Variants in CCDC88A observed in about 807,000 individuals in gnomAD.
CCDC88A encodes girdin.
In CCDC88A, 54 loss-of-function variants were observed where a neutral mutation model predicts 234.3. The ratio of observed to expected loss-of-function variants is 0.23; its 90% confidence interval spans 0.19 to 0.29. The LOEUF is 0.29. Ranked by LOEUF, CCDC88A falls within the 10% of genes least tolerant of loss-of-function variation. The pLI, the probability that CCDC88A is intolerant of heterozygous loss-of-function variation, is 1.00. For missense variants in CCDC88A, 1,832 were observed against 2,123.4 expected (o/e 0.86, Z 2.70); for synonymous variants, 753 against 737.8 (o/e 1.02, Z -0.33).
intron 12 of CCDC88A, among the ~76,000 whole-genome samples, chr2:55,342,263 G>T (rs1470483701): frequency 3.3e-5 from 5 of 151,918 alleles, no homozygotes; most frequent in Non-Finnish European, 7.4e-5. Context: ...AAATTTTCTG[G>T]AAAGTCCCTT....
chr2:55,320,046 T>C (rs1683432817), intron 18 of CCDC88A, among the ~76,000 whole-genome samples: 1 of 152,144 alleles, frequency 6.6e-6, no homozygotes, highest in Admixed American at 6.6e-5. Context: ...TATTATACCA[T>C]AAAATTGAAG....
chr2:55,319,104 C>A (rs923622542), intron 18 of CCDC88A, 100 bp from the exon 19 acceptor site: 2 of 878,162 alleles, frequency 2.3e-6, no homozygotes, highest in South Asian at 3.1e-5. Flanking sequence ...TATTTATTAG[C>A]ATTATAATCC....
intron 2 of CCDC88A, chr2:55,406,161 G>GAAAAAAAA (rs11287244): frequency 7.6e-6 from 1 of 130,954 alleles, no homozygotes. Flanking sequence ...ACTCTGTCCT[G>GAAAAAAAA]AAAAAAAAAA....
chr2:55,307,170 C>G (rs1438067944), intron 25 of CCDC88A, among the ~76,000 whole-genome samples: 4 of 152,034 alleles, frequency 2.6e-5, no homozygotes, highest in African/African-American at 9.7e-5. Context: ...TCTTAGACAT[C>G]TTTAAAAAAA....
Position 55,419,393 on chromosome 2 carries a change from C to G in CCDC88A, c.-314G>C, listed in dbSNP as rs1330464063. The stretch of plus-strand genomic sequence containing the variant: ...AGGGAAAGGGGGCTGGAACCCAAGA[C>G]AAAAAGCCCGTCAAGGTTGTCCAGC... On this transcript the variant is annotated 5_prime_UTR_variant, in exon 1 of 33. Transcript: ENST00000436346. The G allele has an allele frequency of 2.9e-6, 1 of 343,444 alleles. No homozygotes were observed. Among genetic ancestry groups the G allele is most frequent in the Non-Finnish European group, 5.4e-6 (1 of 183,776 alleles). The allele number at this position is 343,444 out of a possible 1,614,324, so 21.3% of individuals were successfully genotyped here. A position where few individuals can be genotyped will look rare whatever the true frequency, so the allele number is the denominator to read the frequency against.
intron 29 of CCDC88A, among the ~76,000 whole-genome samples, chr2:55,298,540 A>G (rs375671803): frequency 6.6e-6 from 1 of 152,320 alleles, no homozygotes; most frequent in East Asian, 1.9e-4. Context: ...TAATTTTATA[A>G]TCCAAAAAGG....
In CCDC88A at chr2:55,309,910, G is replaced by A. The variant is rs577888278; in HGVS notation, c.4080-656C>T. ...TAATAACATATAATATTGTGTGTGT[G>A]TATATATATAAAATGACTATATAAT... is the stretch of plus-strand genomic sequence containing the variant. On this transcript the variant is annotated intron_variant, in intron 23 of 32. Coordinates refer to ENST00000436346, the MANE Select transcript of CCDC88A (RefSeq NM_001365480.1). The surrounding 1 kb of genome is among the most constrained non-coding windows in gnomAD (Gnocchi z 5.1). 2.4e-4 allele frequency among the ~76,000 whole-genome samples: 36 copies of A among 152,140 alleles called. No individual in the cohort carries two copies. The South Asian group carries it at 3.1e-3, about 13-fold the overall frequency.
intron 7 of CCDC88A, 158 bp from the exon 8 acceptor site, chr2:55,355,909 T>C (rs1229033701): frequency 5.4e-6 from 3 of 555,706 alleles, no homozygotes; most frequent in East Asian, 5.9e-5. Flanking sequence ...TTCTTAACTT[T>C]CATTCAACAG....
chr2:55,301,300 T>C, intron 27 of CCDC88A, 23 bp from the exon 28 acceptor site: 1 of 1,245,748 alleles, frequency 8.0e-7, no homozygotes, highest in South Asian at 1.3e-5. Flanking sequence ...GCAAAATGGA[T>C]ATAAAGATAT....
At chr2:55,407,264 G>A (rs1432234360) in intron 2 of CCDC88A, among the ~76,000 whole-genome samples, 1 of 151,824 alleles carries the variant, frequency 6.6e-6, no homozygotes, top group Non-Finnish European at 1.5e-5. Context: ...AAGGACTACT[G>A]AGATATCTCA....
intron 29 of CCDC88A, among the ~76,000 whole-genome samples, chr2:55,297,365 A>ATTATATATAAAT (rs1491129113): frequency 2.0e-5 from 2 of 99,014 alleles, no homozygotes; most frequent in African/African-American, 1.1e-4. Context: ...AAATATATAT[A>ATTATATATAAAT]ATATATATTA....
At position 55,288,136 on chromosome 2, in the gene CCDC88A, C is replaced by T. The variant is rs1243469452; in HGVS notation, c.*3064G>A. The T allele has an allele frequency of 9.2e-5, 14 of 152,490 alleles. No individual in the cohort carries two copies. Among genetic ancestry groups the T allele is most frequent in the Admixed American group, 9.2e-4 (14 of 15,272 alleles). The allele number at this position is 152,490 out of a possible 1,614,324, so 9.4% of individuals were successfully genotyped here. On this transcript the variant is annotated 3_prime_UTR_variant, in exon 33 of 33. Transcript: ENST00000436346. ...TAACAGTTATAAGTACAATGGTAGACACTGAAAAAGAAAACCCTTAATAGA... is the reference window on the plus strand; with the variant it reads ...TAACAGTTATAAGTACAATGGTAGATACTGAAAAAGAAAACCCTTAATAGA...
intron 17 of CCDC88A, among the ~76,000 whole-genome samples, chr2:55,326,990 C>T (rs548040716): frequency 6.6e-6 from 1 of 152,264 alleles, no homozygotes; most frequent in Non-Finnish European, 1.5e-5. Flanking sequence ...AGTGATACTG[C>T]TAATGGGGTA....
At position 55,335,621 on chromosome 2, in the gene CCDC88A, G is replaced by C. The variant is rs557152270; in HGVS notation, c.1657-457C>G. ...GTATTACATGTGTATATATGGGTTTGTATGTGTGTGTATTCATTCCCAAAA... is the reference window on the plus strand; with the variant it reads ...GTATTACATGTGTATATATGGGTTTCTATGTGTGTGTATTCATTCCCAAAA... On this transcript the variant is annotated intron_variant, in intron 14 of 32. Coordinates refer to ENST00000436346, the MANE Select transcript of CCDC88A (RefSeq NM_001365480.1). The surrounding 1 kb of genome is among the most constrained non-coding windows in gnomAD (Gnocchi z 4.5). 6.6e-6 allele frequency among the ~76,000 whole-genome samples: 1 copy of C among 152,294 alleles called. No homozygotes were observed. Among genetic ancestry groups the C allele is most frequent in the South Asian group, 2.1e-4 (1 of 4,824 alleles).
At chr2:55,414,880 A>G (rs1681092913) in intron 2 of CCDC88A, among the ~76,000 whole-genome samples, 3 of 151,820 alleles carry the variant, frequency 2.0e-5, no homozygotes, top group African/African-American at 7.3e-5. Flanking sequence ...CCTGGCTAAC[A>G]CGGTGAAACC....
In CCDC88A at chr2:55,287,906, C is replaced by T. The variant is rs2104528527; in HGVS notation, c.*3294G>A. The T allele has an allele frequency of 6.6e-6, 1 of 152,534 alleles. No individual in the cohort carries two copies. Among genetic ancestry groups the T allele is most frequent in the South Asian group, 2.1e-4 (1 of 4,806 alleles). The allele number at this position is 152,534 out of a possible 1,614,324, so 9.4% of individuals were successfully genotyped here. On this transcript the variant is annotated 3_prime_UTR_variant, in exon 33 of 33. Transcript: ENST00000436346. ...ATTAGTTTGATACGTGAATGTTAGT[C>T]CAACTTAATTTTTGAAGGAGAAACA... is the stretch of plus-strand genomic sequence containing the variant.
chr2:55,316,052 T>A lies in CCDC88A; in HGVS notation c.3809A>T (p.Asn1270Ile), dbSNP rs1159765612. Residue 1270 changes from asparagine to isoleucine, a missense_variant, in exon 22 of 33, where the codon AAT (asparagine) becomes ATT (isoleucine). Asn to Ile is a moderately radical substitution (Grantham distance 149). This residue lies in a region of CCDC88A where 1,282 missense variants were observed against 1,543.6 expected (regional missense o/e 0.83). Transcript: ENST00000436346. The part of the protein sequence containing the change: ...ETEVLQTDHK[N>I]LKSLLNNSKL... ...GGAATTATTCAGAAGACTTTTCAAA[T>A]TTTTATGGTCAGTTTGTAAAACTTC... The A allele has an allele frequency of 6.3e-7, 1 of 1,585,134 alleles. No homozygotes were observed. The highest frequency in any genetic ancestry group is 2.3e-5 in the East Asian group (1 of 44,036).
intron 9 of CCDC88A, among the ~76,000 whole-genome samples, chr2:55,347,707 G>T (rs1472655618): frequency 7.0e-6 from 1 of 143,342 alleles, no homozygotes; most frequent in Non-Finnish European, 1.5e-5. Flanking sequence ...CACCTCCCAG[G>T]TTCAAGCGAT....
chr2:55,414,538 CA>C (rs1205763320), intron 2 of CCDC88A, among the ~76,000 whole-genome samples: 1 of 152,192 alleles, frequency 6.6e-6, no homozygotes. Context: ...CAAGTTCTAA[CA>C]GAGATTATTT....
Sources: allele counts gnomAD v4.1 joint callset (sites outside exome capture counted in the v4.1 genomes callset), GRCh38; gene constraint gnomAD v4.1.1; regional missense constraint gnomAD v4.1.1; non-coding constraint Gnocchi (gnomAD v3.1); transcripts MANE v1.5; gene names NCBI Gene and HGNC (gene_info 2026-07-23, HGNC 2026-07-21).